Variants in CELF2 observed in about 807,000 individuals in gnomAD.
The protein encoded by CELF2 is CUG triplet repeat RNA-binding protein 2.
Under a neutral mutation model 62.6 loss-of-function variants are expected in CELF2, and 8 were observed. The observed-to-expected ratio is 0.13, with a 90% confidence interval of 0.07 to 0.23. CELF2 has a LOEUF of 0.23. Among genes scored for constraint, CELF2 ranks in the 10% least tolerant of loss-of-function variants. The probability of loss-of-function intolerance (pLI) is 1.00; values close to 1 mark genes in which losing one functional copy is unlikely to be tolerated. For synonymous variants in CELF2, 258 were observed against 250.0 expected, an observed-to-expected ratio of 1.03 and a Z score of -0.30; for missense variants, 333 against 671.0, an observed-to-expected ratio of 0.50 and a Z score of 5.56.
At chr10:10,846,156 A>G in intron 1 of CELF2, 1 of 980,708 alleles carries the variant, frequency 1.0e-6, no homozygotes, top group Non-Finnish European at 1.2e-6. Flanking sequence ...CGCTATTCAC[A>G]GTAAGGAATC....
At chr10:10,606,623 C>G in the CELF2 span, among the ~76,000 whole-genome samples, 1 of 152,142 alleles carries the variant, frequency 6.6e-6, no homozygotes, top group African/African-American at 2.4e-5. Context: ...AATCAGCAAA[C>G]TTGGTTCTTT....
chr10:10,742,103 A>G, the CELF2 span, among the ~76,000 whole-genome samples: 1 of 152,152 alleles, frequency 6.6e-6, no homozygotes, highest in African/African-American at 2.4e-5. Flanking sequence ...TCCTCATTTA[A>G]GGTAATTGAT....
Position 11,331,613 on chromosome 10 carries a change from AAAC to A in CELF2, c.*2563_*2565del, listed in dbSNP as rs1163009844. The A allele has an allele frequency of 3.9e-5, 6 of 152,400 alleles. No homozygotes were observed. Among genetic ancestry groups the A allele is most frequent in the Admixed American group, 1.3e-4 (2 of 15,276 alleles). The allele number at this position is 152,400 out of a possible 1,614,324, so 9.4% of individuals were successfully genotyped here. On this transcript the variant is annotated 3_prime_UTR_variant, in exon 13 of 13. Coordinates refer to ENST00000633077, the MANE Select transcript of CELF2 (RefSeq NM_001326342.2). ...ATAAATCCCTAATATTTAAAAAAAAAAACAAAACAAAAAAAGGTTACAAAGTTT... is the reference window on the plus strand; with the variant it reads ...ATAAATCCCTAATATTTAAAAAAAAAAAAACAAAAAAAGGTTACAAAGTTT...
intron 2 of CELF2, among the ~76,000 whole-genome samples, chr10:11,180,735 G>A (rs142346953): frequency 1.3e-5 from 2 of 152,290 alleles, no homozygotes; most frequent in African/African-American, 2.4e-5. Context: ...ACATTATCTT[G>A]TTAAAATGTG....
chr10:10,844,662 C>A (rs919553091), intron 1 of CELF2, among the ~76,000 whole-genome samples: 2 of 152,032 alleles, frequency 1.3e-5, no homozygotes, highest in African/African-American at 4.8e-5. Context: ...TTACTTAAGC[C>A]TTTTCTCTCT....
At chr10:10,898,797 C>A (rs1401673526) in intron 1 of CELF2, among the ~76,000 whole-genome samples, 1 of 152,114 alleles carries the variant, frequency 6.6e-6, no homozygotes, top group African/African-American at 2.4e-5. Flanking sequence ...TCATACCCAA[C>A]AACAGAATTC....
In CELF2 at chr10:11,165,058, A is replaced by T. The variant is rs932570264; in HGVS notation, c.75-428A>T. ...AGGGCGGTGGGGCGGGGGGCGGGGCAGGGAGAGGGAGAGAAATCCAGCAGA... is the reference window on the plus strand; with the variant it reads ...AGGGCGGTGGGGCGGGGGGCGGGGCTGGGAGAGGGAGAGAAATCCAGCAGA... On this transcript the variant is annotated intron_variant, in intron 1 of 12. Coordinates refer to ENST00000633077, the MANE Select transcript of CELF2 (RefSeq NM_001326342.2). This position sits in a 1 kb window ranked among gnomAD's most constrained non-coding sequence, Gnocchi z 7.4. The T allele has an allele frequency of 1.0e-6, 1 of 985,556 alleles. No homozygotes were observed. The highest frequency in any genetic ancestry group is 1.7e-5 in the African/African-American group (1 of 57,148). The allele number at this position is 985,556 out of a possible 1,614,324, so 61.1% of individuals were successfully genotyped here. A position where few individuals can be genotyped will look rare whatever the true frequency, so the allele number is the denominator to read the frequency against.
In CELF2 at chr10:10,947,176, A is replaced by T; in HGVS notation, c.89+27177A>T. 6.6e-6 allele frequency: 1 copy of T among 152,248 alleles called. No individual in the cohort carries two copies. Among genetic ancestry groups the T allele is most frequent in the East Asian group, 1.9e-4 (1 of 5,196 alleles). The allele number at this position is 152,248 out of a possible 1,614,324, so 9.4% of individuals were successfully genotyped here. ...AACCTTCCAATCGTTAGAAGTGCACAGGCTCGCTTTCAAACACAAAAGCTC... is the reference window on the plus strand; with the variant it reads ...AACCTTCCAATCGTTAGAAGTGCACTGGCTCGCTTTCAAACACAAAAGCTC... On this transcript the variant is annotated intron_variant, in intron 2 of 13. Coordinates refer to the CELF2 transcript ENST00000636488. The surrounding 1 kb of genome is among the most constrained non-coding windows in gnomAD (Gnocchi z 4.1).
At chr10:11,273,414 A>G (rs2084641595) in intron 7 of CELF2, among the ~76,000 whole-genome samples, 1 of 152,146 alleles carries the variant, frequency 6.6e-6, no homozygotes, top group African/African-American at 2.4e-5. Flanking sequence ...CCTTATGAGA[A>G]TCTAATTCCC....
chr10:10,941,811 T>C (rs923298112), intron 2 of CELF2, among the ~76,000 whole-genome samples: 4 of 152,024 alleles, frequency 2.6e-5, no homozygotes, highest in Non-Finnish European at 4.4e-5. Flanking sequence ...CTGGCCAACA[T>C]AGTGAAATTC....
Position 11,269,543 on chromosome 10 carries a change from T to C in CELF2, c.619-1123T>C, listed in dbSNP as rs1242208670. ...GAGAGAGGTCTATTATCATGCTGAG[T>C]TTCAATAAAAGTTTTTATTTTAATC... is the stretch of plus-strand genomic sequence containing the variant. On this transcript the variant is annotated intron_variant, in intron 6 of 12. Transcript: ENST00000633077. The surrounding 1 kb of genome is among the most constrained non-coding windows in gnomAD (Gnocchi z 4.4). Among the ~76,000 whole-genome samples the C allele has an allele frequency of 2.0e-5, 3 of 152,148 alleles. No homozygotes were observed. The highest frequency in any genetic ancestry group is 4.4e-5 in the Non-Finnish European group (3 of 68,032).
chr10:10,965,814 GAAT>G (rs1459556006), intron 2 of CELF2, among the ~76,000 whole-genome samples: 1 of 152,176 alleles, frequency 6.6e-6, no homozygotes, highest in Non-Finnish European at 1.5e-5. Flanking sequence ...TGATTAATGA[GAAT>G]AATAATAATT....
chr10:10,942,074 A>G (rs1179879336), intron 2 of CELF2, among the ~76,000 whole-genome samples: 1 of 152,104 alleles, frequency 6.6e-6, no homozygotes, highest in Admixed American at 6.6e-5. Context: ...GAATTTTGAC[A>G]ACATAGTTTT....
At chr10:10,845,126 A>G (rs1289890069) in intron 1 of CELF2, among the ~76,000 whole-genome samples, 2 of 152,074 alleles carry the variant, frequency 1.3e-5, no homozygotes, top group Non-Finnish European at 2.9e-5. Flanking sequence ...TTAATGATGA[A>G]TGGTTTTTGC....
chr10:11,309,915 C>G lies in CELF2; in HGVS notation c.977-4224C>G, dbSNP rs2094471420. On this transcript the variant is annotated intron_variant, in intron 9 of 12. Coordinates refer to ENST00000633077, the MANE Select transcript of CELF2 (RefSeq NM_001326342.2). This position sits in a 1 kb window ranked among gnomAD's most constrained non-coding sequence, Gnocchi z 5.6. ...TTACAGAGCCCTTTGTTCTTGTGACCTGTCTCTCCCTGCTCTGGAGGTGGT... is the reference window on the plus strand; with the variant it reads ...TTACAGAGCCCTTTGTTCTTGTGACGTGTCTCTCCCTGCTCTGGAGGTGGT... 6.6e-6 allele frequency among the ~76,000 whole-genome samples: 1 copy of G among 152,180 alleles called. No homozygotes were observed. Among genetic ancestry groups the G allele is most frequent in the South Asian group, 2.1e-4 (1 of 4,824 alleles).
the CELF2 span, among the ~76,000 whole-genome samples, chr10:10,476,740 T>C: frequency 6.6e-6 from 1 of 152,188 alleles, no homozygotes; most frequent in Admixed American, 6.6e-5. Context: ...TGAGAACCTT[T>C]GCATATTCTT....
chr10:11,218,660 C>CA (rs1416199466), intron 3 of CELF2, among the ~76,000 whole-genome samples: 2 of 152,178 alleles, frequency 1.3e-5, no homozygotes, highest in Non-Finnish European at 2.9e-5. Flanking sequence ...GCGAGGAAAT[C>CA]AAAGAATAGA....
At chr10:10,683,757 T>TA in the CELF2 span, among the ~76,000 whole-genome samples, 1 of 152,152 alleles carries the variant, frequency 6.6e-6, no homozygotes, top group Non-Finnish European at 1.5e-5. Context: ...GAAAAAAACT[T>TA]ACGATTTCAT....
intron 2 of CELF2, among the ~76,000 whole-genome samples, chr10:10,970,454 C>G (rs1315524486): frequency 2.0e-5 from 3 of 152,166 alleles, no homozygotes; most frequent in African/African-American, 7.2e-5. Context: ...TTGATGCAGC[C>G]TGCTTAGAAC....
Sources: allele counts gnomAD v4.1 joint callset (sites outside exome capture counted in the v4.1 genomes callset), GRCh38; gene constraint gnomAD v4.1.1; non-coding constraint Gnocchi (gnomAD v3.1); transcripts MANE v1.5; gene names NCBI Gene and HGNC (gene_info 2026-07-23, HGNC 2026-07-21).